PCGF3: variants seen among roughly 807,000 people sequenced by gnomAD.
The protein encoded by PCGF3 is polycomb group RING finger protein 3.
PCGF3 carries 7 observed loss-of-function variants against 33.1 expected under a neutral mutation model. The ratio of observed to expected loss-of-function variants is 0.21; its 90% CI spans 0.12 to 0.40. PCGF3 has a LOEUF of 0.40. Among genes scored for constraint, PCGF3 ranks in the 10% least tolerant of loss-of-function variants. The pLI is 1.00. For missense variants in PCGF3, 211 were observed against 313.3 expected (o/e 0.67, Z 2.46); for synonymous variants, 153 against 121.3 (o/e 1.26, Z -1.72).
rs376204537 is a variant in PCGF3 at position 738,369 on chromosome 4, G to A, written c.262+848G>A. On this transcript the variant is annotated intron_variant, in intron 6 of 10. Transcript: ENST00000362003. The stretch of plus-strand genomic sequence containing the variant: ...AAGAATTTAGATTTCCTGAGTAAAC[G>A]TAGATAGAAACAATTAGTCTTTTAA... Among the ~76,000 whole-genome samples the A allele has an allele frequency of 6.4e-4, 98 of 152,342 alleles. 1 individual carries two copies. In the South Asian group the frequency reaches 0.017, roughly 26 times the overall value.
At chr4:715,816 A>C in intron 1 of PCGF3, among the ~76,000 whole-genome samples, 1 of 77,708 alleles carries the variant, frequency 1.3e-5, no homozygotes, top group Non-Finnish European at 2.8e-5. Flanking sequence ...TTAGTGTGAG[A>C]ACTGGGCGTG....
chr4:762,260 C>T lies in PCGF3; in HGVS notation c.600+844C>T, dbSNP rs541020568. On this transcript the variant is annotated intron_variant, in intron 9 of 10. Coordinates refer to ENST00000362003, the Ensembl canonical transcript of PCGF3. ...TCTGGGTGGAGCCTAAATCCCATGA[C>T]ACAAGTGAGGCGGAGGAAGACTCGA... The T allele has an allele frequency of 2.2e-4, 55 of 248,858 alleles. No homozygotes were observed. In the South Asian group the frequency reaches 8.1e-3, roughly 37 times the overall value. 15.4% of individuals were successfully genotyped at this position (248,858 alleles called of 1,614,324 possible).
Position 724,838 on chromosome 4 carries a change from G to A in PCGF3, c.-189-5792G>A, listed in dbSNP as rs745810545. On this transcript the variant is annotated intron_variant, in intron 1 of 10. Coordinates refer to ENST00000362003, the Ensembl canonical transcript of PCGF3. ...AAATTAGTTGGGTGTGGTGGTGCAC[G>A]CCTGTAGTCCCAGCTACATGGGAGG... 1.1e-4 allele frequency among the ~76,000 whole-genome samples: 17 copies of A among 151,950 alleles called. 2 individuals carry two copies. The highest frequency in any genetic ancestry group is 6.6e-5 in the Admixed American group (1 of 15,264).
chr4:722,642 G>A (rs1743140466), intron 1 of PCGF3, among the ~76,000 whole-genome samples: 1 of 122,464 alleles, frequency 8.2e-6, no homozygotes, highest in Admixed American at 8.4e-5. Flanking sequence ...CGTCCGCGCC[G>A]GGTCCACACT....
At chr4:734,141 C>T (rs1036891604) in intron 4 of PCGF3, 2 of 1,550,580 alleles carry the variant, frequency 1.3e-6, no homozygotes, top group East Asian at 4.9e-5. Context: ...GGGAACCTTC[C>T]AGTGTGTTCT....
rs542027783 is a variant in PCGF3, at chr4:748,101, G to C, written c.462+3413G>C. 1.4e-4 allele frequency among the ~76,000 whole-genome samples: 22 copies of C among 152,290 alleles called. No individual in the cohort carries two copies. The East Asian group carries it at 1.7e-3, about 12-fold the overall frequency. On this transcript the variant is annotated intron_variant, in intron 8 of 10. Transcript: ENST00000362003. Reference sequence around the variant, plus strand: ...GAGAGTGAACGTCGAGGGCCTCTTCGTGTGTCATTTACTGTATTACCAGAT... The same window carrying C: ...GAGAGTGAACGTCGAGGGCCTCTTCCTGTGTCATTTACTGTATTACCAGAT...
chr4:728,079 G>A (rs1209830536), intron 1 of PCGF3, among the ~76,000 whole-genome samples: 1 of 152,150 alleles, frequency 6.6e-6, no homozygotes, highest in African/African-American at 2.4e-5. Context: ...GCAGTTTCAC[G>A]TAAACTTTCC....
chr4:734,410 C>T (rs902984388), intron 4 of PCGF3: 37 of 1,366,396 alleles, frequency 2.7e-5, no homozygotes, highest in Middle Eastern at 2.7e-4. Context: ...ATGAAGTGTA[C>T]GCTTATAATA....
intron 3 of PCGF3, chr4:731,368 G>A: frequency 2.5e-6 from 1 of 397,904 alleles, no homozygotes. Context: ...TGGGTTCCCG[G>A]CGTGTCGCTG....
At chr4:740,920 C>T (rs368427333) in intron 6 of PCGF3, among the ~76,000 whole-genome samples, 19 of 152,254 alleles carry the variant, frequency 1.2e-4, no homozygotes, top group Admixed American at 1.3e-4. Flanking sequence ...TGGAACTCAT[C>T]GTCACTGCAT....
intron 1 of PCGF3, among the ~76,000 whole-genome samples, chr4:712,007 C>T (rs1341891254): frequency 6.6e-6 from 1 of 151,368 alleles, no homozygotes; most frequent in African/African-American, 2.4e-5. Flanking sequence ...TTTCTTTTAC[C>T]ATTGAAATAT....
chr4:751,035 T>C (rs936470532), intron 8 of PCGF3, among the ~76,000 whole-genome samples: 2 of 149,132 alleles, frequency 1.3e-5, no homozygotes, highest in African/African-American at 2.4e-5. Context: ...ACCCGTTGTC[T>C]TTGTTGTGAG....
intron 1 of PCGF3, 143 bp downstream of exon 1, chr4:706,113 C>G (rs1233782275): frequency 6.3e-6 from 1 of 158,052 alleles, no homozygotes; most frequent in Non-Finnish European, 1.4e-5. Flanking sequence ...AAGCCCTTGG[C>G]AGGCCCGGGA....
exon 11 of PCGF3, chr4:766,173 A>T: frequency 2.1e-6 from 2 of 972,118 alleles, no homozygotes; most frequent in Non-Finnish European, 3.3e-6. Flanking sequence ...TGTCATGTGG[A>T]CCAGACTTCT....
chr4:740,958 C>A (rs190899583), intron 6 of PCGF3, among the ~76,000 whole-genome samples: 2 of 152,124 alleles, frequency 1.3e-5, no homozygotes, highest in Non-Finnish European at 2.9e-5. Flanking sequence ...GACGTCAGAA[C>A]GAGGAAAGGA....
At chr4:758,707 C>G (rs79031894) in intron 8 of PCGF3, among the ~76,000 whole-genome samples, 727 of 36,990 alleles carry the variant, frequency 0.02, 2 homozygotes, top group Middle Eastern at 0.062. Context: ...AGTTCTTCTC[C>G]TTCCGGACTC....
chr4:761,763 C>CT, intron 9 of PCGF3: 2 of 985,418 alleles, frequency 2.0e-6, no homozygotes, highest in Non-Finnish European at 2.4e-6. Flanking sequence ...AGGGAGGACC[C>CT]TTCCAGGCTG....
At chr4:758,788 GCGGCCCC>G (rs1442350755) in intron 8 of PCGF3, among the ~76,000 whole-genome samples, 6 of 20,498 alleles carry the variant, frequency 2.9e-4, no homozygotes, top group Admixed American at 5.2e-4. Flanking sequence ...TTCTCCCCGC[GCGGCCCC>G]TCTCCCGAGC....
chr4:763,076 G>A (rs570004405), intron 9 of PCGF3, among the ~76,000 whole-genome samples: 22 of 152,068 alleles, frequency 1.4e-4, no homozygotes, highest in South Asian at 4.2e-4. Context: ...ACAGCACACC[G>A]GGGTTGGGGA....
Sources: gnomAD v4.1 joint callset for allele counts (sites outside exome capture counted in the v4.1 genomes callset) on GRCh38, gnomAD v4.1.1 for gene constraint, MANE v1.5 for transcripts, NCBI Gene and HGNC (gene_info 2026-07-23, HGNC 2026-07-21) for gene names.